The following CBLB variants were observed in gnomAD, a reference collection of about 807,000 sequenced individuals.
CBLB encodes the protein Cbl proto-oncogene B.
A neutral mutation model predicts 104.9 loss-of-function variants in CBLB; 31 were observed. That is an observed-to-expected ratio of 0.30 (90% confidence interval 0.22 to 0.40). The LOEUF (loss-of-function observed/expected upper bound fraction) is 0.40. Ranked by LOEUF, CBLB falls within the 10% of genes least tolerant of loss-of-function variation. CBLB has a pLI of 1.00. For synonymous variants in CBLB, 440 were observed against 422.6 expected, an observed-to-expected ratio of 1.04 and a Z score of -0.51; for missense variants, 1,062 against 1,214.6, an observed-to-expected ratio of 0.87 and a Z score of 1.87.
intron 3 of CBLB, among the ~76,000 whole-genome samples, chr3:105,829,703 C>CAAAAAAAAAAAAAAAAAAAAAAAAA (rs1553844797): frequency 6.7e-5 from 4 of 60,104 alleles, no homozygotes; most frequent in Admixed American, 1.7e-4. Flanking sequence ...AAAAAAAAAC[C>CAAAAAAAAAAAAAAAAAAAAAAAAA]AAACTGCAGC....
At chr3:105,660,387 T>C (rs1331871085) in intron 18 of CBLB, among the ~76,000 whole-genome samples, 1 of 151,926 alleles carries the variant, frequency 6.6e-6, no homozygotes, top group African/African-American at 2.4e-5. Flanking sequence ...AGACAGGGTT[T>C]CACCATGTTG....
chr3:105,803,174 T>C (rs946358499), intron 3 of CBLB, among the ~76,000 whole-genome samples: 1 of 152,248 alleles, frequency 6.6e-6, no homozygotes, highest in Non-Finnish European at 1.5e-5. Context: ...GTTGTGATTA[T>C]TGTAATACGT....
At chr3:105,861,730 G>C (rs1362475599) in intron 2 of CBLB, among the ~76,000 whole-genome samples, 11 of 148,712 alleles carry the variant, frequency 7.4e-5, no homozygotes, top group East Asian at 2.0e-4. Flanking sequence ...CACACACACA[G>C]AGTTATTTCA....
At chr3:105,662,850 A>T (rs969138671) in intron 18 of CBLB, among the ~76,000 whole-genome samples, 1 of 152,224 alleles carries the variant, frequency 6.6e-6, no homozygotes, top group Admixed American at 6.5e-5. Context: ...ATATAAAAGA[A>T]GAGAGTGATG....
intron 13 of CBLB, among the ~76,000 whole-genome samples, chr3:105,689,596 C>CT (rs1439969042): frequency 6.6e-6 from 1 of 150,716 alleles, no homozygotes; most frequent in African/African-American, 2.4e-5. Context: ...AATAATGCCT[C>CT]TGTTCATTTG....
intron 3 of CBLB, among the ~76,000 whole-genome samples, chr3:105,849,685 G>T (rs2090706511): frequency 6.6e-6 from 1 of 152,012 alleles, no homozygotes; most frequent in Non-Finnish European, 1.5e-5. Context: ...CATCATATAT[G>T]ATTACATCCA....
At chr3:105,757,920 A>C (rs757390078) in intron 4 of CBLB, among the ~76,000 whole-genome samples, 3 of 152,226 alleles carry the variant, frequency 2.0e-5, no homozygotes, top group Non-Finnish European at 4.4e-5. Context: ...CACCTTGATC[A>C]ACTAAGATAT....
intron 3 of CBLB, among the ~76,000 whole-genome samples, chr3:105,819,636 A>AT (rs1372965585): frequency 1.3e-5 from 2 of 152,166 alleles, no homozygotes; most frequent in African/African-American, 4.8e-5. Flanking sequence ...TACAAATGTG[A>AT]TATCATCAGA....
chr3:105,847,428 A>ACACACCC (rs373356636), intron 3 of CBLB, among the ~76,000 whole-genome samples: 3 of 146,374 alleles, frequency 2.0e-5, no homozygotes, highest in African/African-American at 7.7e-5. Context: ...ACACACACAC[A>ACACACCC]CCCCATTTTG....
At chr3:105,813,611 T>A (rs1225237594) in intron 3 of CBLB, among the ~76,000 whole-genome samples, 1 of 152,134 alleles carries the variant, frequency 6.6e-6, no homozygotes, top group East Asian at 1.9e-4. Context: ...TAAAAGTCTT[T>A]AAAGGTTTGT....
At chr3:105,820,735 T>C (rs924824629) in intron 3 of CBLB, among the ~76,000 whole-genome samples, 6 of 152,128 alleles carry the variant, frequency 3.9e-5, no homozygotes, top group Non-Finnish European at 7.4e-5. Flanking sequence ...TTTAATTTTA[T>C]ACCCTAAAAT....
chr3:105,831,386 G>C (rs2087496378), intron 3 of CBLB, among the ~76,000 whole-genome samples: 1 of 152,200 alleles, frequency 6.6e-6, no homozygotes, highest in South Asian at 2.1e-4. Flanking sequence ...CTCCAGGTGG[G>C]CTCAGACCGC....
At chr3:105,813,037 T>C (rs1407559116) in intron 3 of CBLB, among the ~76,000 whole-genome samples, 1 of 152,126 alleles carries the variant, frequency 6.6e-6, no homozygotes, top group African/African-American at 2.4e-5. Flanking sequence ...AAGCAGTATG[T>C]TAATTCAAAA....
chr3:105,754,490 G>A (rs969774636), intron 4 of CBLB, among the ~76,000 whole-genome samples: 3 of 84,408 alleles, frequency 3.6e-5, no homozygotes, highest in Non-Finnish European at 4.8e-5. Context: ...AAGAAGAAAA[G>A]GGAAGAGAGA....
At chr3:105,801,123 T>C (rs2082813736) in intron 3 of CBLB, among the ~76,000 whole-genome samples, 1 of 152,152 alleles carries the variant, frequency 6.6e-6, no homozygotes, top group African/African-American at 2.4e-5. Context: ...AAACCAAATT[T>C]TTTAGAGAGG....
chr3:105,666,024 C>CA lies in CBLB; in HGVS notation c.2689+4208dup, dbSNP rs34981931. Among the ~76,000 whole-genome samples, 936 of 130,150 alleles carry CA rather than the reference C, an allele frequency of 7.2e-3. 5 individuals carry two copies. The highest frequency in any genetic ancestry group is 0.016 in the Admixed American group (205 of 13,022). 85.4% of individuals were successfully genotyped at this position (130,150 alleles called of 152,430 possible). On this transcript the variant is annotated intron_variant, in intron 18 of 18. Transcript: ENST00000394030. The stretch of plus-strand genomic sequence containing the variant: ...CTGGGCAACAGAGTGAGACTCGTCT[C>CA]AAAAAAAAAAAAAATTATATATCTG...
intron 2 of CBLB, among the ~76,000 whole-genome samples, chr3:105,857,655 C>T (rs1035301017): frequency 1.3e-5 from 2 of 152,178 alleles, no homozygotes; most frequent in Non-Finnish European, 2.9e-5. Context: ...TTAATGATCC[C>T]TGCTAAACTC....
At chr3:105,756,489 A>G (rs190489653) in intron 4 of CBLB, among the ~76,000 whole-genome samples, 133 of 152,308 alleles carry the variant, frequency 8.7e-4, no homozygotes, top group African/African-American at 3.0e-3. Context: ...AAAGGTATGT[A>G]ACACTTTAAT....
intron 4 of CBLB, among the ~76,000 whole-genome samples, chr3:105,761,036 A>G (rs989903727): frequency 9.2e-5 from 14 of 152,072 alleles, no homozygotes; most frequent in African/African-American, 3.4e-4. Flanking sequence ...TTTGTTTTTC[A>G]TTTCATTTTG....
Sources: gnomAD v4.1 joint callset for allele counts (sites outside exome capture counted in the v4.1 genomes callset) on GRCh38, gnomAD v4.1.1 for gene constraint, MANE v1.5 for transcripts, NCBI Gene and HGNC (gene_info 2026-07-23, HGNC 2026-07-21) for gene names.